The following DDO variants were observed in gnomAD, a reference collection of about 807,000 sequenced individuals.
DDO encodes the protein D-aspartate oxidase.
In DDO, 16 loss-of-function variants were observed where a neutral mutation model predicts 16.8. The observed-to-expected ratio is 0.95, with a 90% CI of 0.65 to 1.45. The LOEUF (loss-of-function observed/expected upper bound fraction) is 1.45, where lower values mean the gene tolerates loss of function less well. DDO is among the 40% of genes most tolerant of loss of function. The pLI is 0.00. For missense variants in DDO, 429 were observed against 420.3 expected (o/e 1.02, Z -0.18); for synonymous variants, 180 against 167.2 (o/e 1.08, Z -0.59).
Position 110,392,335 on chromosome 6 carries a change from C to A in DDO, c.*440G>T. The A allele has an allele frequency of 6.1e-6, 6 of 986,654 alleles. No individual in the cohort carries two copies. Among genetic ancestry groups the A allele is most frequent in the Non-Finnish European group, 7.2e-6 (6 of 830,842 alleles). 61.1% of individuals were successfully genotyped at this position (986,654 alleles called of 1,614,324 possible). On this transcript the variant is annotated 3_prime_UTR_variant, in exon 5 of 5. Coordinates refer to ENST00000368924, the MANE Select transcript of DDO (RefSeq NM_001372108.2). ...TATAAGCCAAATGATATCAAAATCT[C>A]TATAGCTTCCAACATTCATATAAAT...
intron 4 of DDO, among the ~76,000 whole-genome samples, chr6:110,398,867 GA>G (rs1307968022): frequency 6.6e-6 from 1 of 152,192 alleles, no homozygotes; most frequent in Non-Finnish European, 1.5e-5. Context: ...CCTCCTTGGG[GA>G]CACAGGATAA....
intron 4 of DDO, among the ~76,000 whole-genome samples, chr6:110,395,396 C>T (rs956813118): frequency 6.6e-6 from 1 of 151,944 alleles, no homozygotes; most frequent in African/African-American, 2.4e-5. Context: ...ACACCATTGG[C>T]TCTCCTGGGT....
At position 110,391,863 on chromosome 6, in the gene DDO, A is replaced by G. The variant is rs953029979; in HGVS notation, c.*912T>C. On this transcript the variant is annotated 3_prime_UTR_variant, in exon 5 of 5. Coordinates refer to ENST00000368924, the MANE Select transcript of DDO (RefSeq NM_001372108.2). The stretch of plus-strand genomic sequence containing the variant: ...AATACTTCTTAACAAACTGCGGAGT[A>G]CTCTGATTATATTTCATTCAGAATG... 1 of 152,228 alleles carries G rather than the reference A, an allele frequency of 6.6e-6. No individual in the cohort carries two copies. Among genetic ancestry groups the G allele is most frequent in the Non-Finnish European group, 1.5e-5 (1 of 68,046 alleles). The allele number at this position is 152,228 out of a possible 1,614,324, so 9.4% of individuals were successfully genotyped here. A position where few individuals can be genotyped will look rare whatever the true frequency, so the allele number is the denominator to read the frequency against.
intron 4 of DDO, among the ~76,000 whole-genome samples, chr6:110,402,758 A>G (rs766431607): frequency 3.3e-5 from 5 of 152,178 alleles, no homozygotes; most frequent in African/African-American, 7.2e-5. Context: ...AGTTTGTTAG[A>G]GTTTCTCTAC....
chr6:110,404,789 G>C lies in DDO; in HGVS notation c.443C>G (p.Pro148Arg). 1 of 1,614,020 alleles carries C rather than the reference G, an allele frequency of 6.2e-7. No individual in the cohort carries two copies. Among genetic ancestry groups the C allele is most frequent in the Non-Finnish European group, 8.5e-7 (1 of 1,179,982 alleles). Reference sequence around the variant, plus strand: ...TTCAACTGACCTTTTCTCCAACCACGGGAGGTAGGCAGGGCATTCACATTT... The same window carrying C: ...TTCAACTGACCTTTTCTCCAACCACCGGAGGTAGGCAGGGCATTCACATTT... ...TLKCECPAYL[P>R]WLEKRIKGSG... Residue 148 changes from proline to arginine, a missense_variant, in exon 4 of 5, where the codon CCG (proline) becomes CGG (arginine). By Grantham distance (103) the Pro-to-Arg change is moderately radical. Coordinates refer to ENST00000368924, the MANE Select transcript of DDO (RefSeq NM_001372108.2).
At position 110,413,440 on chromosome 6, in the gene DDO, A is replaced by G. The variant is rs1253596392; in HGVS notation, c.23T>C (p.Val8Ala). The change falls in exon 2 of 5, where the codon GTT becomes GCT. Residue 8 changes from valine (V) to alanine (A), a missense_variant. Physicochemically the swap from Val to Ala is moderately conservative, Grantham distance 64. Coordinates refer to ENST00000368924, the MANE Select transcript of DDO (RefSeq NM_001372108.2). MDTARIAVVGAGVVGLST... is the reference protein window; with the variant it reads MDTARIAAVGAGVVGLST... ...GAGCCCCACCACACCTGCCCCGACA[A>G]CTGCAATCCGTGCTGTGTCCATGAG... is the stretch of plus-strand genomic sequence containing the variant. 1 of 1,613,604 alleles carries G rather than the reference A, an allele frequency of 6.2e-7. No individual in the cohort carries two copies. The highest frequency in any genetic ancestry group is 8.5e-7 in the Non-Finnish European group (1 of 1,180,024).
chr6:110,413,402 A>T lies in DDO; in HGVS notation c.61T>A (p.Cys21Ser). 1 of 1,614,108 alleles carries T rather than the reference A, an allele frequency of 6.2e-7. No individual in the cohort carries two copies. Among genetic ancestry groups the T allele is most frequent in the South Asian group, 1.1e-5 (1 of 91,068 alleles). ...AGVVGLSTAV[C>S]ISKLVPRCSV... The stretch of plus-strand genomic sequence containing the variant: ...CATCGGGGCACCAGTTTGGAGATGC[A>T]CACAGCCGTGGAGAGCCCCACCACA... The change falls in exon 2 of 5, where the codon TGC (cysteine) becomes AGC (serine). Residue 21 changes from cysteine to serine, a missense_variant. Physicochemically the swap from Cys to Ser is moderately radical, Grantham distance 112. Coordinates refer to ENST00000368924, the MANE Select transcript of DDO (RefSeq NM_001372108.2).
intron 4 of DDO, among the ~76,000 whole-genome samples, chr6:110,395,519 G>A (rs2057150): frequency 0.29 from 44,550 of 151,566 alleles, 6,687 homozygotes; most frequent in East Asian, 0.41. Flanking sequence ...TCTGACTGCC[G>A]CAATCCAAGC....
intron 2 of DDO, among the ~76,000 whole-genome samples, chr6:110,409,551 T>C (rs1773779621): frequency 6.6e-6 from 1 of 152,234 alleles, no homozygotes; most frequent in Non-Finnish European, 1.5e-5. Flanking sequence ...ACTGAAGTCA[T>C]GTCAGTAGCG....
Position 110,392,963 on chromosome 6 carries a change from A to T in DDO, c.838T>A (p.Tyr280Asn). Reference sequence around the variant, plus strand: ...GTCTGCAGTCGCACGCCTGGCCTGTAGGGCCTCAAGCCCACCTTCTCCCTG... The same window carrying T: ...GTCTGCAGTCGCACGCCTGGCCTGTTGGGCCTCAAGCCCACCTTCTCCCTG... ...NIREKVGLRP[Y>N]RPGVRLQTEL... The change falls in exon 5 of 5, where the codon TAC (tyrosine) becomes AAC (asparagine). Residue 280 changes from tyrosine (Y) to asparagine (N), a missense_variant. Coordinates refer to ENST00000368924, the MANE Select transcript of DDO (RefSeq NM_001372108.2). 1.2e-6 allele frequency: 2 copies of T among 1,613,916 alleles called. No homozygotes were observed. Among genetic ancestry groups the T allele is most frequent in the Non-Finnish European group, 1.7e-6 (2 of 1,179,780 alleles).
chr6:110,405,095 G>A, intron 3 of DDO, 145 bp from the exon 4 acceptor site: 1 of 808,034 alleles, frequency 1.2e-6, no homozygotes, highest in South Asian at 1.9e-5. Context: ...GGAGTGCAGT[G>A]GCACAATCAT....
chr6:110,408,323 T>C lies in DDO; in HGVS notation c.281+11A>G. ...CTACACTCTAAAATAACTTCAAATT[T>C]CTTCACTTACCCTGATACCAAATGA... On this transcript the variant is annotated intron_variant, in intron 3 of 4. Coordinates refer to ENST00000368924, the MANE Select transcript of DDO (RefSeq NM_001372108.2). 1 of 1,612,214 alleles carries C rather than the reference T, an allele frequency of 6.2e-7. No homozygotes were observed. The highest frequency in any genetic ancestry group is 2.2e-5 in the East Asian group (1 of 44,870).
At chr6:110,401,704 G>T (rs1156459137) in intron 4 of DDO, among the ~76,000 whole-genome samples, 1 of 152,122 alleles carries the variant, frequency 6.6e-6, no homozygotes, top group East Asian at 1.9e-4. Context: ...ATGATCACTT[G>T]GAAAATATCA....
rs1773171816 is a variant in DDO, at chr6:110,393,227, C to T, written c.574G>A (p.Gly192Arg). ...CSGLGSRQLA[G>R]DSKIFPVRGQ... The stretch of plus-strand genomic sequence containing the variant: ...CTTACAGGGAAAATCTTTGAGTCTC[C>T]TGCAAGCTGTCTGCTTCCAAGGCCT... Residue 192 changes from glycine (G) to arginine (R), a missense_variant, in exon 5 of 5, where the codon GGA becomes AGA. Transcript: ENST00000368924. The T allele has an allele frequency of 6.2e-7, 1 of 1,614,236 alleles. No individual in the cohort carries two copies. Among genetic ancestry groups the T allele is most frequent in the African/African-American group, 1.3e-5 (1 of 75,064 alleles).
In DDO at chr6:110,413,373, G is replaced by A. The variant is rs752371700; in HGVS notation, c.90C>T (p.Ser30=). ...TAAACTTGTCTGAAATGATGGTAAC[G>A]GAGCATCGGGGCACCAGTTTGGAGA... ...VCISKLVPRC[S]VTIISDKFTP... Residue 30 remains serine, a synonymous_variant, in exon 2 of 5, where the codon TCC becomes TCT. Transcript: ENST00000368924. 136 of 1,614,004 alleles carry A rather than the reference G, an allele frequency of 8.4e-5. No individual in the cohort carries two copies. Among genetic ancestry groups the A allele is most frequent in the African/African-American group, 1.3e-4 (10 of 74,894 alleles).
intron 2 of DDO, among the ~76,000 whole-genome samples, chr6:110,412,795 G>A (rs191509355): frequency 6.6e-6 from 1 of 152,348 alleles, no homozygotes; most frequent in Admixed American, 6.5e-5. Context: ...AGATTTGGAT[G>A]TTGTTTCTGT....
downstream of DDO, among the ~76,000 whole-genome samples, chr6:110,390,094 C>T (rs910127455): frequency 3.3e-5 from 5 of 152,204 alleles, no homozygotes; most frequent in African/African-American, 1.2e-4. Flanking sequence ...GCTAATTCCT[C>T]TAGGCCACCT....
At chr6:110,388,322 A>T (rs1037112748), downstream of DDO, among the ~76,000 whole-genome samples, 11 of 152,186 alleles carry the variant, frequency 7.2e-5, no homozygotes, top group Non-Finnish European at 1.5e-4. Flanking sequence ...CGAGAGAAAT[A>T]AAAAAAATGC....
downstream of DDO, chr6:110,388,965 T>C (rs1582463255): frequency 1.8e-5 from 5 of 271,574 alleles, no homozygotes; most frequent in South Asian, 7.0e-4. Context: ...TGATGGTTAA[T>C]TTTATGTGTC....
Sources: gnomAD v4.1 joint callset for allele counts (sites outside exome capture counted in the v4.1 genomes callset) on GRCh38, gnomAD v4.1.1 for gene constraint, MANE v1.5 for transcripts, NCBI Gene and HGNC (gene_info 2026-07-23, HGNC 2026-07-21) for gene names.